PALM2AKAP2: variants seen among roughly 807,000 people sequenced by gnomAD.
The protein encoded by PALM2AKAP2 is PALM2 and AKAP2 fusion, also known as PALM2-AKAP2 fusion protein.
A neutral mutation model predicts 71.5 loss-of-function variants in PALM2AKAP2; 37 were observed. That is an observed-to-expected ratio of 0.52 (90% confidence interval 0.40 to 0.68). The LOEUF (loss-of-function observed/expected upper bound fraction) is 0.68. Ranked by LOEUF, PALM2AKAP2 falls within the 30% of genes least tolerant of loss-of-function variation. The pLI is 0.00. For missense variants in PALM2AKAP2, 1,224 were observed against 1,191.8 expected, an observed-to-expected ratio of 1.03 and a Z score of -0.40; for synonymous variants, 468 against 478.8, an observed-to-expected ratio of 0.98 and a Z score of 0.29.
At position 109,928,696 on chromosome 9, in the gene PALM2AKAP2, G is replaced by A. The variant is rs1831013771; in HGVS notation, c.395-3231G>A. Among the ~76,000 whole-genome samples the A allele has an allele frequency of 6.2e-5, 9 of 145,326 alleles. No individual in the cohort carries two copies. The South Asian group carries it at 2.0e-3, about 32-fold the overall frequency. ...CTCTCTTTTTTTTTTTTTTGAGTCAGCATCTCACTCTGTCACCCGGGCTGG... is the reference window on the plus strand; with the variant it reads ...CTCTCTTTTTTTTTTTTTTGAGTCAACATCTCACTCTGTCACCCGGGCTGG... On this transcript the variant is annotated intron_variant, in intron 5 of 9. Coordinates refer to the PALM2AKAP2 transcript ENST00000302798.
intron 1 of PALM2AKAP2, among the ~76,000 whole-genome samples, chr9:110,123,949 T>C (rs1251384901): frequency 6.6e-6 from 1 of 152,238 alleles, no homozygotes. Context: ...TGCCTTTGGC[T>C]ACACAACAGA....
chr9:109,950,452 C>T (rs994889973), intron 6 of PALM2AKAP2, among the ~76,000 whole-genome samples: 1 of 152,154 alleles, frequency 6.6e-6, no homozygotes, highest in Admixed American at 6.5e-5. Context: ...AAGTTTCTGT[C>T]AAATTCCTGA....
chr9:109,810,138 C>G (rs1325959843), intron 1 of PALM2AKAP2, among the ~76,000 whole-genome samples: 1 of 152,170 alleles, frequency 6.6e-6, no homozygotes, highest in African/African-American at 2.4e-5. Flanking sequence ...CATAAACATT[C>G]AGTCCATAGC....
At chr9:109,725,621 T>C (rs1476265242) in intron 1 of PALM2AKAP2, among the ~76,000 whole-genome samples, 1 of 152,182 alleles carries the variant, frequency 6.6e-6, no homozygotes, top group Non-Finnish European at 1.5e-5. Context: ...TAAAGTATGA[T>C]ATATTTGTAC....
chr9:109,980,778 AT>A (rs924963287), intron 6 of PALM2AKAP2, among the ~76,000 whole-genome samples: 2 of 152,252 alleles, frequency 1.3e-5, no homozygotes, highest in African/African-American at 4.8e-5. Flanking sequence ...CTACTCAGTT[AT>A]TCTCATCTCT....
At chr9:109,736,410 C>T (rs1195105366) in intron 1 of PALM2AKAP2, among the ~76,000 whole-genome samples, 2 of 151,834 alleles carry the variant, frequency 1.3e-5, no homozygotes, top group African/African-American at 4.8e-5. Context: ...GCTTAATCTT[C>T]CAAACCGAAA....
chr9:109,688,965 C>T (rs7862056), intron 1 of PALM2AKAP2, among the ~76,000 whole-genome samples: 8,606 of 152,186 alleles, frequency 0.057, 325 homozygotes, highest in Middle Eastern at 0.13. Flanking sequence ...CAGTTGTTAT[C>T]GTCATCTGGG....
At chr9:109,904,842 G>C (rs1328693147) in intron 3 of PALM2AKAP2, among the ~76,000 whole-genome samples, 1 of 152,190 alleles carries the variant, frequency 6.6e-6, no homozygotes, top group Admixed American at 6.5e-5. Context: ...CTGTGACAGA[G>C]GGCTTTAATT....
chr9:110,048,317 TACACCAACACACACGTCCACATGCAC>T (rs1426243056), upstream of PALM2AKAP2, among the ~76,000 whole-genome samples: 2 of 151,906 alleles, frequency 1.3e-5, no homozygotes, highest in African/African-American at 4.8e-5. Context: ...CACATATGTG[TACACCAACACACACGTCCACATGCAC>T]ACACAGCGAC....
intron 1 of PALM2AKAP2, among the ~76,000 whole-genome samples, chr9:109,790,908 T>C (rs1254891377): frequency 6.6e-6 from 1 of 152,212 alleles, no homozygotes; most frequent in Non-Finnish European, 1.5e-5. Flanking sequence ...AGGATAGCAG[T>C]GCTCCTGTAA....
chr9:109,997,431 G>A lies in PALM2AKAP2; in HGVS notation c.497-18523G>A, dbSNP rs147202338. Among the ~76,000 whole-genome samples the A allele has an allele frequency of 4.5e-3, 692 of 152,172 alleles. 5 individuals carry two copies. The highest frequency in any genetic ancestry group is 0.015 in the African/African-American group (638 of 41,504). On this transcript the variant is annotated intron_variant, in intron 6 of 9. Transcript: ENST00000302798. ...TCATTACTGCTACTATTGCAGCCCCGCTGGCAAACAGAGCAAGGGGGTTGA... is the reference window on the plus strand; with the variant it reads ...TCATTACTGCTACTATTGCAGCCCCACTGGCAAACAGAGCAAGGGGGTTGA...
At chr9:109,860,852 C>A (rs910918656) in intron 1 of PALM2AKAP2, among the ~76,000 whole-genome samples, 20 of 152,148 alleles carry the variant, frequency 1.3e-4, no homozygotes, top group African/African-American at 4.6e-4. Flanking sequence ...GCCTAGGAAT[C>A]CTCTGGCAAA....
chr9:109,856,385 T>C (rs1011435509), intron 1 of PALM2AKAP2, among the ~76,000 whole-genome samples: 1 of 152,244 alleles, frequency 6.6e-6, no homozygotes, highest in South Asian at 2.1e-4. Flanking sequence ...TGGGATTCCA[T>C]GTGCTGAATG....
At chr9:109,715,717 G>A (rs1044897143) in intron 1 of PALM2AKAP2, among the ~76,000 whole-genome samples, 15 of 152,204 alleles carry the variant, frequency 9.9e-5, no homozygotes, top group African/African-American at 3.1e-4. Context: ...TATTTCCAGA[G>A]AGACAATTCA....
chr9:109,819,451 G>A (rs1827932840), intron 1 of PALM2AKAP2, among the ~76,000 whole-genome samples: 1 of 152,222 alleles, frequency 6.6e-6, no homozygotes, highest in African/African-American at 2.4e-5. Flanking sequence ...CCTGGGAAGA[G>A]CAATAACTCT....
At position 109,885,488 on chromosome 9, in the gene PALM2AKAP2, G is replaced by A. The variant is rs1048806181; in HGVS notation, c.257+4807G>A. 5.9e-5 allele frequency among the ~76,000 whole-genome samples: 9 copies of A among 152,148 alleles called. No homozygotes were observed. In the East Asian group the frequency reaches 1.7e-3, roughly 29 times the overall value. ...GTGTTCCAGATAATTCTGTTGTATG[G>A]TCAGGTTCAAGAATGATTGCAGTAA... On this transcript the variant is annotated intron_variant, in intron 3 of 9. Transcript: ENST00000302798.
At chr9:110,007,618 A>G (rs1278313182) in intron 6 of PALM2AKAP2, among the ~76,000 whole-genome samples, 1 of 152,182 alleles carries the variant, frequency 6.6e-6, no homozygotes, top group Non-Finnish European at 1.5e-5. Context: ...AGTTTTGACT[A>G]TGCAAACTTC....
At chr9:109,838,759 AT>A in intron 1 of PALM2AKAP2, among the ~76,000 whole-genome samples, 1 of 152,360 alleles carries the variant, frequency 6.6e-6, no homozygotes, top group Middle Eastern at 3.4e-3. Flanking sequence ...CTCTACACAA[AT>A]AAACTAGAAA....
At chr9:110,097,401 C>A (rs1463054971) in intron 1 of PALM2AKAP2, among the ~76,000 whole-genome samples, 1 of 149,542 alleles carries the variant, frequency 6.7e-6, no homozygotes, top group Non-Finnish European at 1.5e-5. Flanking sequence ...TTTTCCCCAC[C>A]TTTCCCCCCT....
Sources: allele counts gnomAD v4.1 joint callset (sites outside exome capture counted in the v4.1 genomes callset), GRCh38; gene constraint gnomAD v4.1.1; transcripts MANE v1.5; gene names NCBI Gene and HGNC (gene_info 2026-07-23, HGNC 2026-07-21).